The following CCND3 variants were observed in gnomAD, a reference collection of about 807,000 sequenced individuals.
The protein encoded by CCND3 is G1/S-specific cyclin-D3.
Under a neutral mutation model 28.7 loss-of-function variants are expected in CCND3, and 9 were observed. The observed-to-expected ratio is 0.31, with a 90% CI of 0.19 to 0.55. The LOEUF (loss-of-function observed/expected upper bound fraction) is 0.55. CCND3 is among the 20% of genes least tolerant of loss of function. The probability of loss-of-function intolerance (pLI) is 0.93; values close to 1 mark genes in which losing one functional copy is unlikely to be tolerated. For missense variants in CCND3, 315 were observed against 385.8 expected, an observed-to-expected ratio of 0.82 and a Z score of 1.54; for synonymous variants, 164 against 163.9, an observed-to-expected ratio of 1.00 and a Z score of 0.00.
intron 1 of CCND3, among the ~76,000 whole-genome samples, chr6:41,992,830 G>A (rs751247158): frequency 6.6e-5 from 10 of 151,450 alleles, no homozygotes; most frequent in Non-Finnish European, 1.5e-5. Context: ...CTGCAATCTC[G>A]TCCTCCCTCA....
intron 1 of CCND3, among the ~76,000 whole-genome samples, chr6:41,978,046 C>A (rs1249569794): frequency 1.3e-5 from 2 of 149,580 alleles, no homozygotes; most frequent in Admixed American, 1.3e-4. Flanking sequence ...CAAAGTGAGA[C>A]CCTGTCTCAA....
upstream of CCND3, among the ~76,000 whole-genome samples, chr6:42,049,325 C>T (rs1764656066): frequency 6.6e-6 from 1 of 152,234 alleles, no homozygotes; most frequent in South Asian, 2.1e-4. Flanking sequence ...GCGAGAGCCA[C>T]CGCGCCCGGC....
chr6:42,030,958 G>A (rs928055071), intron 1 of CCND3, among the ~76,000 whole-genome samples: 3 of 152,086 alleles, frequency 2.0e-5, no homozygotes, highest in African/African-American at 7.2e-5. Flanking sequence ...GGGAGAAGTG[G>A]GAATTGGGGG....
chr6:41,972,167 G>A (rs1315167372), intron 1 of CCND3, among the ~76,000 whole-genome samples: 1 of 146,662 alleles, frequency 6.8e-6, no homozygotes, highest in Non-Finnish European at 1.5e-5. Context: ...GGTGGAGCTT[G>A]CAGTGAGCCA....
At chr6:41,944,564 G>A (rs534941150), upstream of CCND3, among the ~76,000 whole-genome samples, 28 of 151,988 alleles carry the variant, frequency 1.8e-4, no homozygotes, top group African/African-American at 6.5e-4. Context: ...TGGGATTACG[G>A]GTGCATACCA....
chr6:41,935,894 C>T lies in CCND3; in HGVS notation c.*46G>A, dbSNP rs1293678221. ...CTGGAGGCAGGGAGGTGGGTGGCAGCGGCCCCTCCTCTGCTTAGTGGCCAC... is the reference window on the plus strand; with the variant it reads ...CTGGAGGCAGGGAGGTGGGTGGCAGTGGCCCCTCCTCTGCTTAGTGGCCAC... On this transcript the variant is annotated 3_prime_UTR_variant, in exon 5 of 5. Transcript: ENST00000372991. The T allele has an allele frequency of 1.5e-5, 23 of 1,534,836 alleles. No homozygotes were observed. The highest frequency in any genetic ancestry group is 1.9e-5 in the Non-Finnish European group (21 of 1,125,268).
At chr6:41,949,500 G>A (rs1224821807) in intron 1 of CCND3, among the ~76,000 whole-genome samples, 2 of 151,780 alleles carry the variant, frequency 1.3e-5, no homozygotes, top group South Asian at 2.1e-4. Flanking sequence ...ATGAAACTGT[G>A]TCTCAAAAGA....
chr6:41,963,260 A>G (rs759722053), intron 1 of CCND3, among the ~76,000 whole-genome samples: 1 of 152,120 alleles, frequency 6.6e-6, no homozygotes, highest in Non-Finnish European at 1.5e-5. Flanking sequence ...GGCCAACTCA[A>G]ATATCACCTC....
chr6:41,969,650 C>T (rs982487564), intron 1 of CCND3, among the ~76,000 whole-genome samples: 2 of 152,036 alleles, frequency 1.3e-5, no homozygotes, highest in Admixed American at 6.6e-5. Flanking sequence ...GCAGGAGAAT[C>T]GCTTGAACCC....
rs962401242 is a variant in CCND3 at position 42,048,486 on chromosome 6, A to G, written c.-46+15T>C. On this transcript the variant is annotated intron_variant, in intron 1 of 4. Coordinates refer to the CCND3 transcript ENST00000372988. This position sits in a 1 kb window ranked among gnomAD's most constrained non-coding sequence, Gnocchi z 4.7. The stretch of plus-strand genomic sequence containing the variant: ...ACATCCCATCTACCCCGGTTTCTCC[A>G]GCACCCAAGCCTACCTCCTCGTCAG... 2 of 505,972 alleles carry G rather than the reference A, an allele frequency of 4.0e-6. No homozygotes were observed. Among genetic ancestry groups the G allele is most frequent in the African/African-American group, 3.9e-5 (2 of 51,520 alleles). The allele number at this position is 505,972 out of a possible 1,614,324, so 31.3% of individuals were successfully genotyped here.
intron 1 of CCND3, among the ~76,000 whole-genome samples, chr6:41,952,735 C>A (rs1156787731): frequency 6.6e-6 from 1 of 152,066 alleles, no homozygotes; most frequent in African/African-American, 2.4e-5. Flanking sequence ...GGACTCCAAC[C>A]AAGGCAATCA....
chr6:42,041,183 G>T (rs905704237), intron 1 of CCND3, among the ~76,000 whole-genome samples: 2 of 152,312 alleles, frequency 1.3e-5, no homozygotes, highest in East Asian at 1.9e-4. Context: ...GAAGAAACAG[G>T]GGGGAGGAAA....
chr6:41,963,938 C>T (rs1761784596), intron 1 of CCND3, among the ~76,000 whole-genome samples: 1 of 152,180 alleles, frequency 6.6e-6, no homozygotes, highest in Admixed American at 6.6e-5. Flanking sequence ...TGAGATAAAA[C>T]AGGGACTCTT....
At chr6:41,964,493 TGTGTGA>T (rs1479369771) in intron 1 of CCND3, among the ~76,000 whole-genome samples, 6 of 133,222 alleles carry the variant, frequency 4.5e-5, no homozygotes, top group South Asian at 2.4e-4. Context: ...TGAATGTGTG[TGTGTGA>T]GTGTGTGTGT....
intron 1 of CCND3, chr6:41,940,857 C>G: frequency 8.2e-7 from 1 of 1,225,586 alleles, no homozygotes; most frequent in Non-Finnish European, 1.2e-6. Context: ...CGGAGACTCC[C>G]CTCCCCCACA....
At chr6:42,049,816 C>T (rs1764679279), upstream of CCND3, 1 of 152,222 alleles carries the variant, frequency 6.6e-6, no homozygotes, top group Admixed American at 6.5e-5. Context: ...ATTACTCGCT[C>T]AGAAGAATCA....
chr6:42,003,525 C>CAAAAAAAAAAAAAAA (rs61494473), intron 1 of CCND3, among the ~76,000 whole-genome samples: 1 of 73,520 alleles, frequency 1.4e-5, no homozygotes, highest in African/African-American at 8.1e-5. Flanking sequence ...GACTCTGTCT[C>CAAAAAAAAAAAAAAA]AAAAAAAAAA....
intron 1 of CCND3, among the ~76,000 whole-genome samples, chr6:41,964,318 CTGTGTGTGTGAA>C (rs70987549): frequency 0.21 from 30,587 of 148,548 alleles, 3,527 homozygotes; most frequent in Non-Finnish European, 0.27. Flanking sequence ...GTGTGTGAGT[CTGTGTGTGTGAA>C]TGTGTGTGTG....
intron 1 of CCND3, among the ~76,000 whole-genome samples, chr6:41,963,936 A>G (rs754519369): frequency 1.4e-4 from 22 of 152,158 alleles, no homozygotes; most frequent in Admixed American, 3.3e-4. Context: ...TCTGAGATAA[A>G]ACAGGGACTC....
Sources: gnomAD v4.1 joint callset for allele counts (sites outside exome capture counted in the v4.1 genomes callset) on GRCh38, gnomAD v4.1.1 for gene constraint, Gnocchi (gnomAD v3.1) non-coding constraint, MANE v1.5 for transcripts, NCBI Gene and HGNC (gene_info 2026-07-23, HGNC 2026-07-21) for gene names.